The following TRIM44 variants were observed in gnomAD, a reference collection of about 807,000 sequenced individuals.
TRIM44 encodes tripartite motif-containing protein 44.
TRIM44 carries 13 observed loss-of-function variants against 37.4 expected under a neutral mutation model. That is an observed-to-expected ratio of 0.35 (90% CI 0.23 to 0.55). The LOEUF (loss-of-function observed/expected upper bound fraction) is 0.55, where lower values mean the gene tolerates loss of function less well. Among genes scored for constraint, TRIM44 ranks in the 20% least tolerant of loss-of-function variants. The pLI is 0.89. For missense variants in TRIM44, 426 were observed against 437.2 expected, an observed-to-expected ratio of 0.97 and a Z score of 0.23; for synonymous variants, 175 against 157.2, an observed-to-expected ratio of 1.11 and a Z score of -0.85.
chr11:35,715,752 A>G (rs1199321173), intron 2 of TRIM44, among the ~76,000 whole-genome samples: 1 of 152,158 alleles, frequency 6.6e-6, no homozygotes, highest in Non-Finnish European at 1.5e-5. Flanking sequence ...CAGGCTGTAC[A>G]GGAAGCATAG....
chr11:35,786,966 A>G (rs773185495), intron 4 of TRIM44, among the ~76,000 whole-genome samples: 4 of 152,144 alleles, frequency 2.6e-5, no homozygotes, highest in Non-Finnish European at 5.9e-5. Flanking sequence ...CCCATCCTAT[A>G]GCTCTCTGTA....
intron 4 of TRIM44, among the ~76,000 whole-genome samples, chr11:35,764,177 G>A (rs377443856): frequency 6.6e-6 from 1 of 152,072 alleles, no homozygotes; most frequent in African/African-American, 2.4e-5. Context: ...CAATCATTTG[G>A]TCCCTCTTTG....
intron 3 of TRIM44, among the ~76,000 whole-genome samples, chr11:35,735,178 A>T (rs902815902): frequency 6.6e-6 from 1 of 152,204 alleles, no homozygotes; most frequent in African/African-American, 2.4e-5. Context: ...TAGGCCTCCT[A>T]GGTCTGTGCA....
At chr11:35,703,215 G>A (rs550597647) in intron 2 of TRIM44, among the ~76,000 whole-genome samples, 7 of 152,284 alleles carry the variant, frequency 4.6e-5, no homozygotes, top group South Asian at 4.1e-4. Flanking sequence ...AGGGGTGCCC[G>A]CCATTGCCCA....
intron 4 of TRIM44, among the ~76,000 whole-genome samples, chr11:35,787,184 A>C (rs936532029): frequency 6.6e-6 from 1 of 152,186 alleles, no homozygotes; most frequent in South Asian, 2.1e-4. Context: ...GAGATGGTGC[A>C]TCCCTGAGCA....
At chr11:35,779,221 C>T (rs1312261107) in intron 4 of TRIM44, among the ~76,000 whole-genome samples, 1 of 152,216 alleles carries the variant, frequency 6.6e-6, no homozygotes, top group African/African-American at 2.4e-5. Context: ...GAGCGAGGCT[C>T]TGTGGGCATG....
chr11:35,755,227 G>C (rs1852619430), intron 4 of TRIM44, among the ~76,000 whole-genome samples: 1 of 152,144 alleles, frequency 6.6e-6, no homozygotes, highest in African/African-American at 2.4e-5. Context: ...TCTCATTGTG[G>C]TTTTGATTTG....
intron 2 of TRIM44, among the ~76,000 whole-genome samples, chr11:35,693,499 C>T (rs760140807): frequency 3.9e-5 from 6 of 151,962 alleles, no homozygotes; most frequent in Non-Finnish European, 5.9e-5. Context: ...AGGAGAAAAA[C>T]AAAACCCGGT....
At chr11:35,759,866 CAGA>C (rs1852698470) in intron 4 of TRIM44, among the ~76,000 whole-genome samples, 1 of 152,170 alleles carries the variant, frequency 6.6e-6, no homozygotes, top group Admixed American at 6.5e-5. Flanking sequence ...AGTTTTGTCT[CAGA>C]GGAGTACCCA....
Position 35,797,721 on chromosome 11 carries a change from G to A in TRIM44, c.1008-8637G>A, listed in dbSNP as rs934449542. On this transcript the variant is annotated intron_variant, in intron 4 of 4. Transcript: ENST00000299413. The stretch of plus-strand genomic sequence containing the variant: ...TACCTGATCAGCACCCCTCAAAACC[G>A]TCCTCACCATCACAAACAAGAAAAG... Among the ~76,000 whole-genome samples, 18 of 152,206 alleles carry A rather than the reference G, an allele frequency of 1.2e-4. No individual in the cohort carries two copies. The East Asian group carries it at 1.9e-3, about 16-fold the overall frequency.
At chr11:35,799,354 T>G (rs574717542) in intron 4 of TRIM44, among the ~76,000 whole-genome samples, 1 of 152,332 alleles carries the variant, frequency 6.6e-6, no homozygotes, top group Non-Finnish European at 1.5e-5. Flanking sequence ...GACCCAAGGC[T>G]CTCTCAGAGG....
intron 4 of TRIM44, among the ~76,000 whole-genome samples, chr11:35,761,658 T>C (rs1852731361): frequency 1.3e-5 from 2 of 152,268 alleles, no homozygotes; most frequent in South Asian, 2.1e-4. Context: ...AATTAAACAT[T>C]CAAAGATAAA....
At chr11:35,773,994 G>A in intron 4 of TRIM44, among the ~76,000 whole-genome samples, 1 of 152,180 alleles carries the variant, frequency 6.6e-6, no homozygotes, top group East Asian at 1.9e-4. Context: ...CCCAGTAATG[G>A]GATGGCTGGG....
At chr11:35,723,475 T>G (rs1262753568) in intron 2 of TRIM44, among the ~76,000 whole-genome samples, 1 of 152,356 alleles carries the variant, frequency 6.6e-6, no homozygotes, top group East Asian at 1.9e-4. Context: ...AATGCTTATT[T>G]GTTAATTAGA....
At chr11:35,671,678 C>A (rs545574291) in intron 1 of TRIM44, among the ~76,000 whole-genome samples, 2 of 152,250 alleles carry the variant, frequency 1.3e-5, no homozygotes, top group South Asian at 4.1e-4. Flanking sequence ...GGTGATCCTA[C>A]AGCAAGAGGG....
At chr11:35,730,118 A>G (rs1385598664) in intron 3 of TRIM44, among the ~76,000 whole-genome samples, 1 of 152,254 alleles carries the variant, frequency 6.6e-6, no homozygotes, top group Non-Finnish European at 1.5e-5. Context: ...AGCAATTACA[A>G]GCACTCTGGA....
rs1177740011 is a variant in TRIM44 at position 35,815,904 on chromosome 11, G to GA, written c.*9524dup. 1 of 152,244 alleles carries GA rather than the reference G, an allele frequency of 6.6e-6. No individual in the cohort carries two copies. Among genetic ancestry groups the GA allele is most frequent in the East Asian group, 1.9e-4 (1 of 5,184 alleles). The allele number at this position is 152,244 out of a possible 1,614,324, so 9.4% of individuals were successfully genotyped here. A position where few individuals can be genotyped will look rare whatever the true frequency, so the allele number is the denominator to read the frequency against. On this transcript the variant is annotated 3_prime_UTR_variant, in exon 5 of 5. Transcript: ENST00000299413. The stretch of plus-strand genomic sequence containing the variant: ...TGTTTGCTTTCAGTCACTGCCTTCA[G>GA]AAAAAGACAATTTTACAATGACTTA...
intron 3 of TRIM44, among the ~76,000 whole-genome samples, chr11:35,726,896 A>G (rs1590546445): frequency 6.6e-6 from 1 of 152,080 alleles, no homozygotes. Flanking sequence ...TCAGTGGCTC[A>G]CGCCTGTAAT....
At chr11:35,702,178 C>T (rs1851796783) in intron 2 of TRIM44, among the ~76,000 whole-genome samples, 2 of 152,234 alleles carry the variant, frequency 1.3e-5, no homozygotes, top group South Asian at 2.1e-4. Flanking sequence ...ACTGGCAGGA[C>T]TCAAACTTGC....
Sources: allele counts gnomAD v4.1 joint callset (sites outside exome capture counted in the v4.1 genomes callset), GRCh38; gene constraint gnomAD v4.1.1; transcripts MANE v1.5; gene names NCBI Gene and HGNC (gene_info 2026-07-23, HGNC 2026-07-21).